PHF24: variants seen among roughly 807,000 people sequenced by gnomAD.
PHF24 encodes the protein PHD finger protein 24.
PHF24 carries 25 observed loss-of-function variants against 42.6 expected under a neutral mutation model. That is an observed-to-expected ratio of 0.59 (90% CI 0.43 to 0.82). PHF24 has a LOEUF of 0.82. Ranked by LOEUF, PHF24 falls within the 40% of genes least tolerant of loss-of-function variation. The pLI is 0.00. For synonymous variants in PHF24, 185 were observed against 204.8 expected (o/e 0.90, Z 0.83); for missense variants, 470 against 538.1 (o/e 0.87, Z 1.25).
chr9:34,723,287 C>T, the PHF24 span: 2 of 1,551,726 alleles, frequency 1.3e-6, no homozygotes, highest in Non-Finnish European at 1.7e-6. Context: ...GTGACGAGGG[C>T]AGTGGCGGGG....
At chr9:34,976,291 T>G (rs1483464360) in intron 4 of PHF24, 61 bp downstream of exon 4, 3 of 1,380,762 alleles carry the variant, frequency 2.2e-6, no homozygotes, top group East Asian at 2.3e-5. Flanking sequence ...CTTCAGGCTT[T>G]CTAGAATGAA....
At chr9:34,696,794 A>T in the PHF24 span, among the ~76,000 whole-genome samples, 1 of 152,158 alleles carries the variant, frequency 6.6e-6, no homozygotes, top group Non-Finnish European at 1.5e-5. Context: ...CTTCCCCTGT[A>T]AACCATGAAG....
chr9:34,832,561 CTTTTCTGG>C, the PHF24 span: 1 of 1,538,056 alleles, frequency 6.5e-7, no homozygotes, highest in Non-Finnish European at 8.8e-7. Flanking sequence ...GCAACATTTT[CTTTTCTGG>C]TTTTGGCCAC....
chr9:34,860,264 T>G, the PHF24 span, among the ~76,000 whole-genome samples: 1 of 152,218 alleles, frequency 6.6e-6, no homozygotes, highest in Non-Finnish European at 1.5e-5. Flanking sequence ...TTTGCCTAGT[T>G]TTTTAGTTAT....
At chr9:34,812,850 A>AT in the PHF24 span, among the ~76,000 whole-genome samples, 1 of 152,164 alleles carries the variant, frequency 6.6e-6, no homozygotes, top group Non-Finnish European at 1.5e-5. Flanking sequence ...ATCAAAGAAA[A>AT]TTGAGACTTC....
the PHF24 span, among the ~76,000 whole-genome samples, chr9:34,875,193 G>T: frequency 6.6e-6 from 1 of 152,066 alleles, no homozygotes; most frequent in Admixed American, 6.6e-5. Flanking sequence ...CCACAAAAAA[G>T]TGAGAATATA....
At chr9:34,830,099 A>G in the PHF24 span, among the ~76,000 whole-genome samples, 1 of 152,184 alleles carries the variant, frequency 6.6e-6, no homozygotes, top group Non-Finnish European at 1.5e-5. Context: ...AGATCTAGAA[A>G]CTGGGGCTCA....
At chr9:34,968,085 G>C (rs185397367) in intron 1 of PHF24, among the ~76,000 whole-genome samples, 2 of 152,162 alleles carry the variant, frequency 1.3e-5, no homozygotes, top group Admixed American at 1.3e-4. Flanking sequence ...AGTACATACA[G>C]TACAAAAATT....
intron 1 of PHF24, among the ~76,000 whole-genome samples, chr9:34,963,727 C>T (rs1274241481): frequency 1.3e-5 from 2 of 152,182 alleles, no homozygotes; most frequent in African/African-American, 2.4e-5. Context: ...TCTTAACTCT[C>T]CTCTGTAGTC....
chr9:34,705,115 A>G, the PHF24 span, among the ~76,000 whole-genome samples: 1 of 152,026 alleles, frequency 6.6e-6, no homozygotes, highest in Non-Finnish European at 1.5e-5. Flanking sequence ...GGATACTGGC[A>G]TATGAATATT....
the PHF24 span, among the ~76,000 whole-genome samples, chr9:34,792,330 C>G: frequency 2.0e-5 from 3 of 152,170 alleles, no homozygotes; most frequent in African/African-American, 7.2e-5. Context: ...CTAGGGAGAA[C>G]TGGGGCAAGG....
chr9:34,672,572 ACT>A, the PHF24 span, among the ~76,000 whole-genome samples: 3 of 151,652 alleles, frequency 2.0e-5, no homozygotes, highest in Admixed American at 1.3e-4. Context: ...GCTGGTGGGG[ACT>A]CTCTGCAGGG....
chr9:34,760,991 CA>C, the PHF24 span, among the ~76,000 whole-genome samples: 626 of 138,908 alleles, frequency 4.5e-3, 1 homozygote, highest in African/African-American at 0.013. Flanking sequence ...AACTCCGTGT[CA>C]AAAAAAAAAA....
the PHF24 span, among the ~76,000 whole-genome samples, chr9:34,866,187 A>G: frequency 0.79 from 119,920 of 152,106 alleles, 47,473 homozygotes; most frequent in East Asian, 0.87. Context: ...TAAGCATACT[A>G]TTTCCCACCA....
chr9:34,944,978 CCT>C, the PHF24 span, among the ~76,000 whole-genome samples: 1 of 152,050 alleles, frequency 6.6e-6, no homozygotes, highest in Non-Finnish European at 1.5e-5. Flanking sequence ...TGTTAATCGT[CCT>C]CTGATTCTCA....
At chr9:34,836,629 G>C in the PHF24 span, among the ~76,000 whole-genome samples, 1 of 152,136 alleles carries the variant, frequency 6.6e-6, no homozygotes. Flanking sequence ...GGCTGTGCCA[G>C]GAACTGGACT....
chr9:34,864,652 T>C, the PHF24 span, among the ~76,000 whole-genome samples: 3 of 151,848 alleles, frequency 2.0e-5, no homozygotes, highest in African/African-American at 7.3e-5. Flanking sequence ...CTAAAGGGAG[T>C]ACTTCAATCA....
At chr9:34,790,313 G>A in the PHF24 span, among the ~76,000 whole-genome samples, 2 of 152,178 alleles carry the variant, frequency 1.3e-5, no homozygotes, top group Non-Finnish European at 2.9e-5. Context: ...GGTTGGGATG[G>A]CCTTTGTGCA....
At chr9:34,929,502 A>AAAT in the PHF24 span, among the ~76,000 whole-genome samples, 1 of 152,214 alleles carries the variant, frequency 6.6e-6, no homozygotes, top group African/African-American at 2.4e-5. Flanking sequence ...ATTACTCAAT[A>AAAT]AATATTTGTG....
Sources: gnomAD v4.1 joint callset for allele counts (sites outside exome capture counted in the v4.1 genomes callset) on GRCh38, gnomAD v4.1.1 for gene constraint, MANE v1.5 for transcripts, NCBI Gene and HGNC (gene_info 2026-07-23, HGNC 2026-07-21) for gene names.